EPHA5: variants seen among roughly 807,000 people sequenced by gnomAD.
EPHA5 encodes EPH receptor A5.
Under a neutral mutation model 105.0 loss-of-function variants are expected in EPHA5, and 60 were observed. The observed-to-expected ratio is 0.57, with a 90% CI of 0.46 to 0.71. The LOEUF is 0.71. EPHA5 is among the 30% of genes least tolerant of loss of function. The probability of loss-of-function intolerance (pLI) is 0.00; values close to 1 mark genes in which losing one functional copy is unlikely to be tolerated. For synonymous variants in EPHA5, 513 were observed against 449.1 expected, an observed-to-expected ratio of 1.14 and a Z score of -1.80; for missense variants, 1,218 against 1,274.7, an observed-to-expected ratio of 0.96 and a Z score of 0.68.
At chr4:65,345,873 T>C (rs28594975) in intron 14 of EPHA5, among the ~76,000 whole-genome samples, 1,667 of 152,076 alleles carry the variant, frequency 0.011, 27 homozygotes, top group African/African-American at 0.037. Context: ...CCCGGGTTCA[T>C]GCCATTCTCC....
chr4:65,331,353 T>A, intron 16 of EPHA5: 2 of 1,038,474 alleles, frequency 1.9e-6, no homozygotes, highest in African/African-American at 1.7e-5. Flanking sequence ...TTTTATTTAA[T>A]AAGGTTTGAT....
At chr4:65,455,106 G>A (rs930856109) in intron 5 of EPHA5, among the ~76,000 whole-genome samples, 4 of 152,090 alleles carry the variant, frequency 2.6e-5, no homozygotes, top group South Asian at 2.1e-4. Context: ...AGTGGCGGGC[G>A]CCTGGAGTCC....
At chr4:65,588,366 T>G (rs1742319563) in intron 3 of EPHA5, among the ~76,000 whole-genome samples, 1 of 152,164 alleles carries the variant, frequency 6.6e-6, no homozygotes, top group Non-Finnish European at 1.5e-5. Flanking sequence ...AACTATTCCC[T>G]TTGGCCTACT....
chr4:65,497,018 A>G (rs1732011811), intron 3 of EPHA5, among the ~76,000 whole-genome samples: 1 of 152,192 alleles, frequency 6.6e-6, no homozygotes, highest in Non-Finnish European at 1.5e-5. Flanking sequence ...TCACTGGCTA[A>G]TAAAGCCAAA....
chr4:65,390,402 TC>T (rs1577992772), intron 8 of EPHA5, among the ~76,000 whole-genome samples: 1 of 151,944 alleles, frequency 6.6e-6, no homozygotes, highest in Non-Finnish European at 1.5e-5. Context: ...TCCTAGACTT[TC>T]CCCTCACTCC....
At chr4:65,527,458 A>G (rs1013178032) in intron 3 of EPHA5, among the ~76,000 whole-genome samples, 11 of 152,262 alleles carry the variant, frequency 7.2e-5, no homozygotes, top group African/African-American at 2.6e-4. Context: ...ACAAAAAGTC[A>G]TAACTTCAGG....
chr4:65,407,131 T>A lies in EPHA5; in HGVS notation c.1688-2652A>T, dbSNP rs551390447. On this transcript the variant is annotated intron_variant, in intron 7 of 16. Transcript: ENST00000613740. ...AATATCTAAAATATCATTTTTATGA[T>A]GTTTCCCTGATCAAAAACTTTAGAG... Among the ~76,000 whole-genome samples, 12 of 152,274 alleles carry A rather than the reference T, an allele frequency of 7.9e-5. No individual in the cohort carries two copies. In the East Asian group the frequency reaches 2.1e-3, roughly 27 times the overall value.
At chr4:65,558,658 A>G (rs1030687116) in intron 3 of EPHA5, among the ~76,000 whole-genome samples, 1 of 152,014 alleles carries the variant, frequency 6.6e-6, no homozygotes, top group African/African-American at 2.4e-5. Flanking sequence ...TCGTCATTTA[A>G]CATTAGGTAT....
At chr4:65,539,302 A>G (rs2149318016) in intron 3 of EPHA5, among the ~76,000 whole-genome samples, 1 of 151,890 alleles carries the variant, frequency 6.6e-6, no homozygotes, top group South Asian at 2.1e-4. Context: ...AATTCTTAAA[A>G]GATGGACAGA....
At chr4:65,497,826 T>A (rs1732092519) in intron 3 of EPHA5, among the ~76,000 whole-genome samples, 1 of 152,008 alleles carries the variant, frequency 6.6e-6, no homozygotes, top group African/African-American at 2.4e-5. Context: ...AAATGTATCT[T>A]TCTGTTCAGT....
chr4:65,555,166 C>T (rs1168032580), intron 3 of EPHA5, among the ~76,000 whole-genome samples: 3 of 151,618 alleles, frequency 2.0e-5, no homozygotes, highest in Non-Finnish European at 2.9e-5. Context: ...TGTTTTGTCC[C>T]CCACCATTTT....
intron 3 of EPHA5, among the ~76,000 whole-genome samples, chr4:65,568,262 T>C (rs1205785163): frequency 1.3e-5 from 2 of 151,454 alleles, no homozygotes; most frequent in South Asian, 2.1e-4. Flanking sequence ...ATAATAATTG[T>C]TGAAGGATAA....
intron 5 of EPHA5, among the ~76,000 whole-genome samples, chr4:65,488,304 G>T (rs1020259000): frequency 2.6e-5 from 4 of 152,158 alleles, no homozygotes; most frequent in South Asian, 2.1e-4. Context: ...ACCTTTCAAA[G>T]AAGTTAAGGT....
At chr4:65,385,332 C>A (rs7668692) in intron 8 of EPHA5, among the ~76,000 whole-genome samples, 6,893 of 151,858 alleles carry the variant, frequency 0.045, 201 homozygotes, top group East Asian at 0.083. Context: ...CAGCATGAAA[C>A]TTTTAAGGTG....
At chr4:65,382,530 G>A (rs978952618) in intron 8 of EPHA5, among the ~76,000 whole-genome samples, 2 of 151,500 alleles carry the variant, frequency 1.3e-5, no homozygotes, top group Non-Finnish European at 3.0e-5. Flanking sequence ...TTTTTGCTGC[G>A]GTAGAAGATA....
At chr4:65,425,458 G>A (rs1461815722) in intron 5 of EPHA5, among the ~76,000 whole-genome samples, 4 of 151,960 alleles carry the variant, frequency 2.6e-5, no homozygotes, top group Non-Finnish European at 4.4e-5. Flanking sequence ...AGAGTATTAG[G>A]CTTCTCTCCA....
intron 8 of EPHA5, among the ~76,000 whole-genome samples, chr4:65,375,496 G>C (rs1718906325): frequency 6.6e-6 from 1 of 151,754 alleles, no homozygotes; most frequent in Non-Finnish European, 1.5e-5. Flanking sequence ...CAAAAGTACA[G>C]TAGAAAAAGA....
At chr4:65,569,147 TA>T (rs1462823073) in intron 3 of EPHA5, among the ~76,000 whole-genome samples, 2 of 151,498 alleles carry the variant, frequency 1.3e-5, no homozygotes, top group Non-Finnish European at 1.5e-5. Flanking sequence ...ATCACAATAT[TA>T]AAAGACACAA....
chr4:65,419,395 C>T (rs183975627), intron 6 of EPHA5, among the ~76,000 whole-genome samples: 118 of 152,146 alleles, frequency 7.8e-4, no homozygotes, highest in African/African-American at 2.7e-3. Context: ...CCAGAAAAAA[C>T]GAAGGAGTGA....
Sources: allele counts gnomAD v4.1 joint callset (sites outside exome capture counted in the v4.1 genomes callset), GRCh38; gene constraint gnomAD v4.1.1; transcripts MANE v1.5; gene names NCBI Gene and HGNC (gene_info 2026-07-23, HGNC 2026-07-21).